TMEM132C: variants seen among roughly 807,000 people sequenced by gnomAD.
TMEM132C encodes the protein protein phosphatase 1, regulatory subunit 152.
A neutral mutation model predicts 61.4 loss-of-function variants in TMEM132C; 29 were observed. The ratio of observed to expected loss-of-function variants is 0.47; its 90% CI spans 0.35 to 0.64. The LOEUF (loss-of-function observed/expected upper bound fraction) is 0.64, where lower values mean the gene tolerates loss of function less well. Ranked by LOEUF, TMEM132C falls within the 30% of genes least tolerant of loss-of-function variation. TMEM132C has a pLI of 0.00. For synonymous variants in TMEM132C, 656 were observed against 633.1 expected (o/e 1.04, Z -0.54); for missense variants, 1,408 against 1,476.9 (o/e 0.95, Z 0.76).
At chr12:128,335,035 A>G (rs777752746) in intron 1 of TMEM132C, among the ~76,000 whole-genome samples, 2 of 152,138 alleles carry the variant, frequency 1.3e-5, no homozygotes, top group Non-Finnish European at 1.5e-5. Flanking sequence ...TTAAGCTGAG[A>G]GTCTTACATG....
chr12:128,661,360 AG>A (rs1311106775), intron 4 of TMEM132C, among the ~76,000 whole-genome samples: 1 of 152,232 alleles, frequency 6.6e-6, no homozygotes, highest in African/African-American at 2.4e-5. Context: ...GTTAATGTTT[AG>A]TTGACCAGCT....
chr12:128,705,008 T>C (rs1954826112), intron 8 of TMEM132C, 82 bp from the exon 9 acceptor site: 1 of 1,422,058 alleles, frequency 7.0e-7, no homozygotes, highest in Non-Finnish European at 9.3e-7. Flanking sequence ...GCTCCCTGTT[T>C]CATTGGGCGT....
chr12:128,366,200 T>C (rs1873864097), intron 1 of TMEM132C, among the ~76,000 whole-genome samples: 1 of 152,158 alleles, frequency 6.6e-6, no homozygotes, highest in African/African-American at 2.4e-5. Flanking sequence ...CCCGCGGCTC[T>C]CCTCCCAGCG....
intron 5 of TMEM132C, among the ~76,000 whole-genome samples, chr12:128,671,690 C>T (rs144676102): frequency 1.1e-4 from 17 of 152,306 alleles, no homozygotes; most frequent in African/African-American, 3.1e-4. Flanking sequence ...CTGGGCTCAG[C>T]GCCACCATCA....
chr12:128,418,108 A>G (rs753382589), intron 2 of TMEM132C, among the ~76,000 whole-genome samples: 2 of 152,198 alleles, frequency 1.3e-5, no homozygotes, highest in African/African-American at 2.4e-5. Flanking sequence ...GGCACGTGTT[A>G]TATTTCCTTA....
At chr12:128,550,109 A>T (rs1342299222) in intron 3 of TMEM132C, among the ~76,000 whole-genome samples, 1 of 152,206 alleles carries the variant, frequency 6.6e-6, no homozygotes, top group Non-Finnish European at 1.5e-5. Context: ...AAAATTCCAC[A>T]GACTGGTTGG....
At chr12:128,459,884 C>CA (rs71069569) in intron 2 of TMEM132C, among the ~76,000 whole-genome samples, 60,055 of 82,300 alleles carry the variant, frequency 0.73, 23,248 homozygotes, top group Non-Finnish European at 0.83. Context: ...GACTCTGTCT[C>CA]AAAAAAAAAA....
At chr12:128,386,564 TAAGAG>T (rs982499734) in intron 1 of TMEM132C, among the ~76,000 whole-genome samples, 24 of 152,112 alleles carry the variant, frequency 1.6e-4, no homozygotes, top group African/African-American at 5.8e-4. Context: ...AGTGAGGAAA[TAAGAG>T]AAATAAAAAT....
intron 3 of TMEM132C, among the ~76,000 whole-genome samples, chr12:128,601,525 T>C (rs1399259672): frequency 6.6e-6 from 1 of 152,168 alleles, no homozygotes; most frequent in African/African-American, 2.4e-5. Context: ...ACCGAGGCTG[T>C]ATACATAAAG....
At chr12:128,268,600 A>G (rs113341402) in intron 1 of TMEM132C, among the ~76,000 whole-genome samples, 1 of 152,272 alleles carries the variant, frequency 6.6e-6, no homozygotes, top group African/African-American at 2.4e-5. Context: ...CCGCGGGTCC[A>G]GTATCGGCCC....
chr12:128,621,164 C>G (rs983061454), intron 4 of TMEM132C, among the ~76,000 whole-genome samples: 1 of 152,120 alleles, frequency 6.6e-6, no homozygotes, highest in African/African-American at 2.4e-5. Context: ...TGCCCTCTGG[C>G]TTCTGGAGGG....
chr12:128,541,421 G>A (rs762276129), intron 2 of TMEM132C, among the ~76,000 whole-genome samples: 1 of 152,134 alleles, frequency 6.6e-6, no homozygotes. Context: ...TGGAGATTGA[G>A]GGGATGGGCT....
chr12:128,337,403 G>A (rs1003214155), intron 1 of TMEM132C, among the ~76,000 whole-genome samples: 3 of 152,198 alleles, frequency 2.0e-5, no homozygotes, highest in Admixed American at 2.0e-4. Context: ...CTTAGGCAAT[G>A]CTAAATAAAG....
chr12:128,383,001 T>C (rs1229881426), intron 1 of TMEM132C, among the ~76,000 whole-genome samples: 1 of 152,144 alleles, frequency 6.6e-6, no homozygotes, highest in Non-Finnish European at 1.5e-5. Flanking sequence ...TATGTATCTG[T>C]GAGTGCGTCT....
intron 1 of TMEM132C, among the ~76,000 whole-genome samples, chr12:128,373,898 G>T (rs1874101757): frequency 6.6e-6 from 1 of 152,228 alleles, no homozygotes; most frequent in South Asian, 2.1e-4. Context: ...CTTCAGCTTA[G>T]ATTCCATTCC....
At chr12:128,378,668 G>A (rs1457020172) in intron 1 of TMEM132C, among the ~76,000 whole-genome samples, 1 of 152,130 alleles carries the variant, frequency 6.6e-6, no homozygotes, top group Non-Finnish European at 1.5e-5. Flanking sequence ...AGTGAGTAGG[G>A]TGACGGTCAA....
At chr12:128,317,151 A>G (rs1303547976) in intron 1 of TMEM132C, among the ~76,000 whole-genome samples, 1 of 152,042 alleles carries the variant, frequency 6.6e-6, no homozygotes, top group Non-Finnish European at 1.5e-5. Flanking sequence ...GAAGACTCTT[A>G]TCTTCTCTAC....
At chr12:128,307,989 T>C (rs1400620299) in intron 1 of TMEM132C, among the ~76,000 whole-genome samples, 1 of 152,216 alleles carries the variant, frequency 6.6e-6, no homozygotes, top group East Asian at 1.9e-4. Flanking sequence ...TCCATGGGAA[T>C]GAGAGGCACA....
intron 1 of TMEM132C, among the ~76,000 whole-genome samples, chr12:128,340,691 TTCTTTCTTTC>T (rs1408993573): frequency 1.7e-4 from 26 of 151,986 alleles, no homozygotes; most frequent in South Asian, 8.3e-4. Flanking sequence ...TCTATGCTCT[TTCTTTCTTTC>T]TCTTTCTTTC....
Sources: gnomAD v4.1 joint callset for allele counts (sites outside exome capture counted in the v4.1 genomes callset) on GRCh38, gnomAD v4.1.1 for gene constraint, MANE v1.5 for transcripts, NCBI Gene and HGNC (gene_info 2026-07-23, HGNC 2026-07-21) for gene names.